Variants in PAN2 observed in about 807,000 individuals in gnomAD.
The protein encoded by PAN2 is PAN2-PAN3 deadenylation complex catalytic subunit PAN2.
Under a neutral mutation model 133.3 loss-of-function variants are expected in PAN2, and 68 were observed. The ratio of observed to expected loss-of-function variants is 0.51; its 90% CI spans 0.42 to 0.62. The LOEUF is 0.62. Among genes scored for constraint, PAN2 ranks in the 20% least tolerant of loss-of-function variants. The pLI is 0.00. For synonymous variants in PAN2, 462 were observed against 544.6 expected, an observed-to-expected ratio of 0.85 and a Z score of 2.11; for missense variants, 1,042 against 1,500.5, an observed-to-expected ratio of 0.69 and a Z score of 5.05.
chr12:56,332,063 A>G (rs1875942136), intron 2 of PAN2, among the ~76,000 whole-genome samples: 1 of 152,198 alleles, frequency 6.6e-6, no homozygotes, highest in Non-Finnish European at 1.5e-5. Context: ...GCATATTGGC[A>G]ATACGGGTAC....
At position 56,322,746 on chromosome 12, in the gene PAN2, T is replaced by C; in HGVS notation, c.2506A>G (p.Arg836Gly). 6.3e-7 allele frequency: 1 copy of C among 1,599,566 alleles called. No homozygotes were observed. Among genetic ancestry groups the C allele is most frequent in the Non-Finnish European group, 8.5e-7 (1 of 1,172,178 alleles). ...DGDEMQWGPA[R>G]AEEEHGVYVY... is the part of the protein sequence containing the mutation. ...TAGACACCATGCTCCTCCTCTGCCC[T>C]GGCTGGGCCCCACTGTGAGGGGGGT... Residue 836 changes from arginine (R) to glycine (G), a missense_variant, in exon 18 of 26, where the codon AGG (arginine) becomes GGG (glycine). Arg to Gly is a moderately radical substitution (Grantham distance 125, BLOSUM62 -2). Coordinates refer to ENST00000440411, the MANE Select transcript of PAN2 (RefSeq NM_014871.6).
At chr12:56,321,985 C>G in intron 20 of PAN2, 93 bp downstream of exon 20, 2 of 657,934 alleles carry the variant, frequency 3.0e-6, no homozygotes. Context: ...ACACTGGTTA[C>G]CAATCCTAAG....
intron 24 of PAN2, among the ~76,000 whole-genome samples, chr12:56,318,802 A>G (rs1874184212): frequency 6.6e-6 from 1 of 152,116 alleles, no homozygotes; most frequent in Non-Finnish European, 1.5e-5. Flanking sequence ...CTAATATGCA[A>G]ATAGTGAACT....
intron 16 of PAN2, 24 bp from the exon 17 acceptor site, chr12:56,323,233 A>G: frequency 6.2e-7 from 1 of 1,613,904 alleles, no homozygotes; most frequent in Non-Finnish European, 8.5e-7. Flanking sequence ...AGAATTGGAA[A>G]TTTGTTCCGA....
chr12:56,328,280 G>C lies in PAN2; in HGVS notation c.531C>G (p.His177Gln), dbSNP rs1414030264. Residue 177 changes from histidine to glutamine, a missense_variant, in exon 4 of 26, where the codon CAC becomes CAG. His to Gln is a conservative substitution (Grantham distance 24). Coordinates refer to ENST00000440411, the MANE Select transcript of PAN2 (RefSeq NM_014871.6). The part of the protein sequence containing the change: ...STLLVGGLQN[H>Q]IIEIDLNTVQ... ...CAGTGTTAAGATCAATCTCTATTAT[G>C]TGATTCTGCAGCCCACCAACGAGTA... 4 of 1,608,288 alleles carry C rather than the reference G, an allele frequency of 2.5e-6. No individual in the cohort carries two copies. Among genetic ancestry groups the C allele is most frequent in the Non-Finnish European group, 2.5e-6 (3 of 1,176,932 alleles).
chr12:56,330,888 T>A (rs1875760252), intron 2 of PAN2, among the ~76,000 whole-genome samples: 1 of 152,054 alleles, frequency 6.6e-6, no homozygotes, highest in Admixed American at 6.6e-5. Flanking sequence ...AACCTCTGCC[T>A]CCCAGGTTCA....
chr12:56,318,192 A>G (rs1874123055), intron 25 of PAN2, 45 bp downstream of exon 25: 2 of 1,528,996 alleles, frequency 1.3e-6, no homozygotes, highest in East Asian at 4.5e-5. Flanking sequence ...AACAAAATAC[A>G]AAATCCACCC....
At chr12:56,325,253 G>A in intron 9 of PAN2, 82 bp downstream of exon 9, 1 of 1,590,968 alleles carries the variant, frequency 6.3e-7, no homozygotes, top group Non-Finnish European at 8.6e-7. Context: ...CCTCCTGACT[G>A]AGTCCTTCAA....
intron 6 of PAN2, 41 bp downstream of exon 6, chr12:56,327,323 C>T (rs774398227): frequency 6.2e-7 from 1 of 1,600,144 alleles, no homozygotes; most frequent in Admixed American, 1.7e-5. Context: ...CTCTCCTTTG[C>T]TCATCGATCC....
chr12:56,325,263 A>T lies in PAN2; in HGVS notation c.1479+72T>A, dbSNP rs1426257543. On this transcript the variant is annotated intron_variant, in intron 9 of 25. Transcript: ENST00000440411. The stretch of plus-strand genomic sequence containing the variant: ...GAAGGCCTCCTGACTGAGTCCTTCA[A>T]TCCTTTCTCATATGACTTCCTTCCC... 5 of 1,599,606 alleles carry T rather than the reference A, an allele frequency of 3.1e-6. No individual in the cohort carries two copies. The African/African-American group carries it at 4.0e-5, about 13-fold the overall frequency.
At chr12:56,318,637 T>C (rs1181493071) in intron 24 of PAN2, 7 of 560,298 alleles carry the variant, frequency 1.2e-5, no homozygotes, top group Middle Eastern at 4.6e-4. Context: ...GGGTCTCCCC[T>C]ACTCCCATTT....
chr12:56,322,900 AACACTGAACTGAGTG>A, intron 17 of PAN2, 142 bp from the exon 18 acceptor site: 3 of 1,254,434 alleles, frequency 2.4e-6, no homozygotes, highest in Non-Finnish European at 3.4e-6. Context: ...CTAGGACCCC[AACACTGAACTGAGTG>A]ACTATGGAAA....
chr12:56,322,194 G>T, intron 19 of PAN2, 26 bp from the exon 20 acceptor site: 1 of 1,384,064 alleles, frequency 7.2e-7, no homozygotes, highest in South Asian at 1.2e-5. Context: ...AGCACTTATG[G>T]CTAATGTATA....
At chr12:56,323,734 A>G in intron 14 of PAN2, 73 bp downstream of exon 14, 1 of 1,442,202 alleles carries the variant, frequency 6.9e-7, no homozygotes, top group South Asian at 1.1e-5. Context: ...TGACAGAGCC[A>G]GCCCCACATG....
intron 9 of PAN2, 85 bp downstream of exon 9, chr12:56,325,246 CCTGA>C (rs1477067110): frequency 6.1e-5 from 97 of 1,587,854 alleles, no homozygotes; most frequent in Admixed American, 8.6e-5. Flanking sequence ...TTGAAGGCCT[CCTGA>C]CTGAGTCCTT....
chr12:56,327,958 G>C, intron 5 of PAN2, 37 bp downstream of exon 5: 1 of 1,613,186 alleles, frequency 6.2e-7, no homozygotes, highest in East Asian at 2.2e-5. Context: ...TAGTGAAACA[G>C]GGCCCTGCAG....
chr12:56,320,753 T>A (rs1874408845), intron 20 of PAN2, among the ~76,000 whole-genome samples: 1 of 149,580 alleles, frequency 6.7e-6, no homozygotes, highest in Admixed American at 6.6e-5. Flanking sequence ...TGCTTTTTTT[T>A]TTTTTTTTTT....
In PAN2 at chr12:56,319,806, C is replaced by T; in HGVS notation, c.2947-42G>A. On this transcript the variant is annotated intron_variant, in intron 21 of 25. Coordinates refer to ENST00000440411, the MANE Select transcript of PAN2 (RefSeq NM_014871.6). This position sits in a 1 kb window ranked among gnomAD's most constrained non-coding sequence, Gnocchi z 5.4. Reference sequence around the variant, plus strand: ...AATAAGGAAATCAGAGAAATGCTTACAACTCCTAATATCCTCAGCGTTCTC... The same window carrying T: ...AATAAGGAAATCAGAGAAATGCTTATAACTCCTAATATCCTCAGCGTTCTC... 3 of 1,612,724 alleles carry T rather than the reference C, an allele frequency of 1.9e-6. No homozygotes were observed. The highest frequency in any genetic ancestry group is 8.5e-7 in the Non-Finnish European group (1 of 1,179,200).
At chr12:56,332,556 C>T (rs74496027) in intron 2 of PAN2, among the ~76,000 whole-genome samples, 6,889 of 149,484 alleles carry the variant, frequency 0.046, 224 homozygotes, top group Non-Finnish European at 0.068. Flanking sequence ...GATCACATTA[C>T]GCCATTGCAC....
Sources: allele counts gnomAD v4.1 joint callset (sites outside exome capture counted in the v4.1 genomes callset), GRCh38; gene constraint gnomAD v4.1.1; non-coding constraint Gnocchi (gnomAD v3.1); transcripts MANE v1.5; gene names NCBI Gene and HGNC (gene_info 2026-07-23, HGNC 2026-07-21).